Variants in TNIK observed in about 807,000 individuals in gnomAD.
The protein encoded by TNIK is TRAF2 and NCK-interacting protein kinase.
TNIK carries 49 observed loss-of-function variants against 191.3 expected under a neutral mutation model. That is an observed-to-expected ratio of 0.26 (90% confidence interval 0.20 to 0.32). The LOEUF (loss-of-function observed/expected upper bound fraction) is 0.32. Ranked by LOEUF, TNIK falls within the 10% of genes least tolerant of loss-of-function variation. The probability of loss-of-function intolerance (pLI) is 1.00; values close to 1 mark genes in which losing one functional copy is unlikely to be tolerated. For missense variants in TNIK, 1,155 were observed against 1,702.3 expected, an observed-to-expected ratio of 0.68 and a Z score of 5.66; for synonymous variants, 594 against 600.9, an observed-to-expected ratio of 0.99 and a Z score of 0.17.
intron 1 of TNIK, among the ~76,000 whole-genome samples, chr3:171,426,556 AAT>A (rs10664657): frequency 6.6e-6 from 1 of 151,730 alleles, no homozygotes; most frequent in South Asian, 2.1e-4. Context: ...AAGTATAATA[AAT>A]ATATATATAT....
chr3:171,349,135 C>T (rs1174124498), intron 2 of TNIK, among the ~76,000 whole-genome samples: 3 of 151,958 alleles, frequency 2.0e-5, no homozygotes, highest in East Asian at 1.9e-4. Flanking sequence ...AAAAAGTTTC[C>T]ATATAGATCA....
intron 1 of TNIK, among the ~76,000 whole-genome samples, chr3:171,380,025 ACGCG>A (rs869124932): frequency 0.017 from 1,077 of 64,538 alleles, 11 homozygotes; most frequent in African/African-American, 0.046. Context: ...ACACACACAC[ACGCG>A]CACACACACA....
chr3:171,202,872 CT>C (rs1352361321), intron 4 of TNIK, among the ~76,000 whole-genome samples: 7 of 152,176 alleles, frequency 4.6e-5, no homozygotes, highest in Non-Finnish European at 2.9e-5. Flanking sequence ...CAAATTCAAC[CT>C]TTTAAAAATT....
At position 171,158,658 on chromosome 3, in the gene TNIK, C is replaced by T. The variant is rs140053966; in HGVS notation, c.1017-994G>A. On this transcript the variant is annotated intron_variant, in intron 11 of 32. Transcript: ENST00000436636. ...GTCACTGTAGTAAGCTCTAAGGATA[C>T]GGCAGTTGCTAGATAAATTCTCCCT... Among the ~76,000 whole-genome samples, 950 of 152,310 alleles carry T rather than the reference C, an allele frequency of 6.2e-3. 7 individuals are homozygous for T. Among genetic ancestry groups the T allele is most frequent in the African/African-American group, 0.021 (886 of 41,558 alleles).
chr3:171,296,957 C>T (rs898311306), intron 2 of TNIK, among the ~76,000 whole-genome samples: 23 of 152,228 alleles, frequency 1.5e-4, no homozygotes, highest in African/African-American at 5.3e-4. Context: ...AATAATATAA[C>T]AGGAAGAACT....
At chr3:171,106,859 C>G in intron 21 of TNIK, 1 of 510,636 alleles carries the variant, frequency 2.0e-6, no homozygotes, top group Non-Finnish European at 3.9e-6. Flanking sequence ...CATTCCCTAG[C>G]AAGGCTGGCA....
chr3:171,370,915 TA>T (rs1716401162), intron 1 of TNIK, among the ~76,000 whole-genome samples: 1 of 152,134 alleles, frequency 6.6e-6, no homozygotes, highest in South Asian at 2.1e-4. Flanking sequence ...ACTGGACACT[TA>T]CATAAGAGCA....
At chr3:171,458,861 G>A (rs918524055) in intron 1 of TNIK, among the ~76,000 whole-genome samples, 3 of 152,100 alleles carry the variant, frequency 2.0e-5, no homozygotes, top group African/African-American at 7.2e-5. Flanking sequence ...GGGAGAGGAA[G>A]AAGCAGTCCT....
intron 2 of TNIK, among the ~76,000 whole-genome samples, chr3:171,256,564 TAAAC>T (rs1357142798): frequency 6.6e-6 from 1 of 152,150 alleles, no homozygotes; most frequent in African/African-American, 2.4e-5. Context: ...AGCTACTTCA[TAAAC>T]ACTTTAGGAA....
At chr3:171,238,508 T>C (rs563453982) in intron 2 of TNIK, among the ~76,000 whole-genome samples, 3 of 152,258 alleles carry the variant, frequency 2.0e-5, no homozygotes, top group African/African-American at 7.2e-5. Context: ...ACATCTGATG[T>C]TGTCTGGAGA....
chr3:171,174,370 A>C (rs537070864), intron 9 of TNIK, among the ~76,000 whole-genome samples: 35 of 152,174 alleles, frequency 2.3e-4, no homozygotes, highest in Non-Finnish European at 4.0e-4. Flanking sequence ...ATCTCTAGAA[A>C]AAGGATAGGA....
At chr3:171,355,719 A>T (rs192566645) in intron 2 of TNIK, among the ~76,000 whole-genome samples, 9 of 152,302 alleles carry the variant, frequency 5.9e-5, no homozygotes, top group African/African-American at 2.2e-4. Flanking sequence ...GAAAAAAGTG[A>T]ATAATGTGAT....
chr3:171,443,569 C>T (rs913720298), intron 1 of TNIK, among the ~76,000 whole-genome samples: 1 of 152,038 alleles, frequency 6.6e-6, no homozygotes, highest in South Asian at 2.1e-4. Flanking sequence ...CACACTGGCT[C>T]CTACCTGTAA....
intron 23 of TNIK, among the ~76,000 whole-genome samples, chr3:171,092,200 G>A (rs1407048638): frequency 1.3e-5 from 2 of 151,866 alleles, no homozygotes; most frequent in Non-Finnish European, 2.9e-5. Context: ...CTCCCACCTC[G>A]GCCTCCCAAA....
intron 2 of TNIK, among the ~76,000 whole-genome samples, chr3:171,293,275 G>A (rs1751891799): frequency 6.6e-6 from 1 of 152,104 alleles, no homozygotes; most frequent in South Asian, 2.1e-4. Flanking sequence ...TGTGCCTGCA[G>A]AAGTCTCATT....
At chr3:171,066,084 C>G (rs1718400779) in intron 32 of TNIK, 103 bp downstream of exon 32, 1 of 1,437,436 alleles carries the variant, frequency 7.0e-7, no homozygotes, top group Non-Finnish European at 9.5e-7. Flanking sequence ...GATTGTTTAA[C>G]ACAGATGTGA....
At chr3:171,407,379 C>T (rs1387262772) in intron 1 of TNIK, among the ~76,000 whole-genome samples, 5 of 152,246 alleles carry the variant, frequency 3.3e-5, no homozygotes, top group East Asian at 1.9e-4. Flanking sequence ...AATTTAGAAA[C>T]GTTTTATTTG....
intron 2 of TNIK, among the ~76,000 whole-genome samples, chr3:171,293,050 T>G (rs1025727419): frequency 6.6e-6 from 1 of 152,200 alleles, no homozygotes; most frequent in African/African-American, 2.4e-5. Context: ...CAAAACCTGT[T>G]TGCCTACTTT....
At chr3:171,248,002 A>AG (rs34441886) in intron 2 of TNIK, among the ~76,000 whole-genome samples, 2,161 of 152,246 alleles carry the variant, frequency 0.014, 34 homozygotes, top group Middle Eastern at 0.031. Context: ...CTGGGAGGAA[A>AG]GGGGCAATTC....
Sources: allele counts gnomAD v4.1 joint callset (sites outside exome capture counted in the v4.1 genomes callset), GRCh38; gene constraint gnomAD v4.1.1; transcripts MANE v1.5; gene names NCBI Gene and HGNC (gene_info 2026-07-23, HGNC 2026-07-21).